UNC5D: variants seen among roughly 807,000 people sequenced by gnomAD.
UNC5D encodes the protein netrin receptor UNC5D.
In UNC5D, 39 loss-of-function variants were observed where a neutral mutation model predicts 105.4. The observed-to-expected ratio is 0.37, with a 90% confidence interval of 0.29 to 0.48. The LOEUF (loss-of-function observed/expected upper bound fraction) is 0.48, where lower values mean the gene tolerates loss of function less well. Among genes scored for constraint, UNC5D ranks in the 20% least tolerant of loss-of-function variants. The pLI, the probability that UNC5D is intolerant of heterozygous loss-of-function variation, is 0.98. For missense variants in UNC5D, 991 were observed against 1,202.4 expected (o/e 0.82, Z 2.60); for synonymous variants, 452 against 450.4 (o/e 1.00, Z -0.04).
chr8:35,332,831 G>T (rs1810727486), intron 1 of UNC5D, among the ~76,000 whole-genome samples: 1 of 152,156 alleles, frequency 6.6e-6, no homozygotes, highest in South Asian at 2.1e-4. Context: ...TAAACTGAGT[G>T]CTGGGGACAA....
At chr8:35,749,139 G>C (rs567690069) in intron 12 of UNC5D, among the ~76,000 whole-genome samples, 1 of 152,170 alleles carries the variant, frequency 6.6e-6, no homozygotes, top group African/African-American at 2.4e-5. Context: ...TGTTTAATCA[G>C]GAACACATTT....
chr8:35,600,033 ATGAG>A (rs1819753239), intron 4 of UNC5D, among the ~76,000 whole-genome samples: 1 of 151,678 alleles, frequency 6.6e-6, no homozygotes, highest in South Asian at 2.1e-4. Flanking sequence ...ATTCCCACCT[ATGAG>A]TGAGAACATG....
chr8:35,490,063 G>A (rs1275490536), intron 1 of UNC5D, among the ~76,000 whole-genome samples: 1 of 152,208 alleles, frequency 6.6e-6, no homozygotes, highest in Non-Finnish European at 1.5e-5. Flanking sequence ...GATACATTAT[G>A]AAGATATTAC....
At chr8:35,741,852 T>C (rs1019131969) in intron 11 of UNC5D, among the ~76,000 whole-genome samples, 1 of 152,198 alleles carries the variant, frequency 6.6e-6, no homozygotes, top group Non-Finnish European at 1.5e-5. Flanking sequence ...TGCAGGTTCC[T>C]GGGCCCTATC....
chr8:35,482,824 T>G lies in UNC5D; in HGVS notation c.104-66468T>G, dbSNP rs968297485. 3.2e-5 allele frequency among the ~76,000 whole-genome samples: 4 copies of G among 123,640 alleles called. No homozygotes were observed. The South Asian group carries it at 1.1e-3, about 33-fold the overall frequency. The allele number at this position is 123,640 out of a possible 152,430, so 81.1% of individuals were successfully genotyped here. A position where few individuals can be genotyped will look rare whatever the true frequency, so the allele number is the denominator to read the frequency against. Reference sequence around the variant, plus strand: ...TTTTTTTTTTTTTTTTTTTTTGAGATGAAGTCTTGCTCTCGTCCCCCAGGC... The same window carrying G: ...TTTTTTTTTTTTTTTTTTTTTGAGAGGAAGTCTTGCTCTCGTCCCCCAGGC... On this transcript the variant is annotated intron_variant, in intron 1 of 16. Transcript: ENST00000404895.
intron 1 of UNC5D, among the ~76,000 whole-genome samples, chr8:35,432,714 A>G (rs1806729188): frequency 6.6e-6 from 1 of 152,156 alleles, no homozygotes; most frequent in African/African-American, 2.4e-5. Flanking sequence ...ATCTTATCTT[A>G]CTTGCACGGA....
intron 1 of UNC5D, among the ~76,000 whole-genome samples, chr8:35,379,297 T>G (rs1367932853): frequency 6.6e-6 from 1 of 152,172 alleles, no homozygotes; most frequent in Non-Finnish European, 1.5e-5. Flanking sequence ...TAGTTACATT[T>G]TAGCCCAATT....
rs574752012 is a variant in UNC5D at position 35,379,679 on chromosome 8, C to T, written c.103+143792C>T. On this transcript the variant is annotated intron_variant, in intron 1 of 16. Transcript: ENST00000404895. ...TGGACTCTCTGTGGCACTAGAATAT[C>T]GACCTGAGAACCCAGGTTAGGAAAA... is the stretch of plus-strand genomic sequence containing the variant. 6.6e-5 allele frequency among the ~76,000 whole-genome samples: 10 copies of T among 152,088 alleles called. No homozygotes were observed. The East Asian group carries it at 1.6e-3, about 24-fold the overall frequency.
chr8:35,603,484 A>G (rs1253775767), intron 4 of UNC5D, among the ~76,000 whole-genome samples: 1 of 152,122 alleles, frequency 6.6e-6, no homozygotes, highest in East Asian at 1.9e-4. Flanking sequence ...ATTTTGGAAT[A>G]GGTGTGGTGT....
intron 1 of UNC5D, among the ~76,000 whole-genome samples, chr8:35,435,090 G>GTTCACTGATAATTTGGAGTT (rs1806921994): frequency 6.6e-6 from 1 of 152,012 alleles, no homozygotes; most frequent in Non-Finnish European, 1.5e-5. Flanking sequence ...TCTGAAGAGG[G>GTTCACTGATAATTTGGAGTT]TTCACTGATA....
At chr8:35,452,928 T>C (rs529560508) in intron 1 of UNC5D, among the ~76,000 whole-genome samples, 2 of 152,274 alleles carry the variant, frequency 1.3e-5, no homozygotes, top group African/African-American at 4.8e-5. Context: ...AATATTTTTA[T>C]ATCTTTTTAC....
At chr8:35,754,473 G>C (rs1311441927) in intron 13 of UNC5D, among the ~76,000 whole-genome samples, 2 of 152,200 alleles carry the variant, frequency 1.3e-5, no homozygotes. Context: ...CTGGGGTTAA[G>C]TGCGGGGTTG....
At chr8:35,770,559 T>C (rs781241273) in intron 15 of UNC5D, among the ~76,000 whole-genome samples, 10 of 152,190 alleles carry the variant, frequency 6.6e-5, no homozygotes, top group Non-Finnish European at 1.2e-4. Context: ...TTTAACCCTA[T>C]TGAATTACCT....
rs188706555 is a variant in UNC5D, at chr8:35,285,258, C to A, written c.103+49371C>A. On this transcript the variant is annotated intron_variant, in intron 1 of 16. Coordinates refer to ENST00000404895, the MANE Select transcript of UNC5D (RefSeq NM_080872.4). ...GGAAAAGGCCTGCGTATTTTTCCAA[C>A]CTATTCTCTGCAGGACAAGGCTAAC... Among the ~76,000 whole-genome samples, 641 of 152,296 alleles carry A rather than the reference C, an allele frequency of 4.2e-3. 4 individuals carry two copies. Among genetic ancestry groups the A allele is most frequent in the African/African-American group, 0.014 (597 of 41,574 alleles).
chr8:35,760,737 C>T (rs1009982635), intron 14 of UNC5D, among the ~76,000 whole-genome samples: 4 of 151,798 alleles, frequency 2.6e-5, no homozygotes, highest in African/African-American at 4.8e-5. Flanking sequence ...TAATGTGTAG[C>T]GTCCTCTGCG....
At chr8:35,712,091 T>C (rs901494595) in intron 8 of UNC5D, among the ~76,000 whole-genome samples, 2 of 152,072 alleles carry the variant, frequency 1.3e-5, no homozygotes, top group Non-Finnish European at 2.9e-5. Context: ...GTCAATATGG[T>C]GAAACCCCAT....
Position 35,544,568 on chromosome 8 carries a change from A to G in UNC5D, c.104-4724A>G, listed in dbSNP as rs369885128. 2.6e-6 allele frequency: 4 copies of G among 1,567,044 alleles called. No individual in the cohort carries two copies. The African/African-American group carries it at 5.6e-5, about 22-fold the overall frequency. Reference sequence around the variant, plus strand: ...AGGAACAAACAGGAAAAAGGACAGTACCAACCACACCTATTCTTTCGTTTT... The same window carrying G: ...AGGAACAAACAGGAAAAAGGACAGTGCCAACCACACCTATTCTTTCGTTTT... On this transcript the variant is annotated intron_variant, in intron 1 of 16. Coordinates refer to ENST00000404895, the MANE Select transcript of UNC5D (RefSeq NM_080872.4).
rs185895282 is a variant in UNC5D, at chr8:35,308,064, G to A, written c.103+72177G>A. ...TCTTACTAAGAAGAAGGAAATGCTT[G>A]CTATATAACCAAAAGAGATTCCTAT... On this transcript the variant is annotated intron_variant, in intron 1 of 16. Coordinates refer to ENST00000404895, the MANE Select transcript of UNC5D (RefSeq NM_080872.4). Among the ~76,000 whole-genome samples, 8 of 151,376 alleles carry A rather than the reference G, an allele frequency of 5.3e-5. No individual in the cohort carries two copies. The East Asian group carries it at 1.6e-3, about 29-fold the overall frequency.
intron 3 of UNC5D, among the ~76,000 whole-genome samples, chr8:35,578,458 C>A (rs1818252379): frequency 6.6e-6 from 1 of 152,046 alleles, no homozygotes; most frequent in Admixed American, 6.5e-5. Context: ...AGGAAGCCAC[C>A]AGATAGACAT....
Sources: gnomAD v4.1 joint callset for allele counts (sites outside exome capture counted in the v4.1 genomes callset) on GRCh38, gnomAD v4.1.1 for gene constraint, MANE v1.5 for transcripts, NCBI Gene and HGNC (gene_info 2026-07-23, HGNC 2026-07-21) for gene names.